FARP1: variants seen among roughly 807,000 people sequenced by gnomAD.
FARP1 encodes FERM, ARHGEF and pleckstrin domain-containing protein 1.
In FARP1, 52 loss-of-function variants were observed where a neutral mutation model predicts 128.8. The observed-to-expected ratio is 0.40, with a 90% CI of 0.32 to 0.51. The LOEUF is 0.51. Among genes scored for constraint, FARP1 ranks in the 20% least tolerant of loss-of-function variants. The pLI is 0.45. For synonymous variants in FARP1, 580 were observed against 551.8 expected (o/e 1.05, Z -0.72); for missense variants, 1,333 against 1,367.9 (o/e 0.97, Z 0.40).
Position 98,440,791 on chromosome 13 carries a change from C to T in FARP1, c.2751C>T (p.His917=). 1.9e-6 allele frequency: 3 copies of T among 1,612,752 alleles called. No individual in the cohort carries two copies. Among genetic ancestry groups the T allele is most frequent in the Non-Finnish European group, 2.5e-6 (3 of 1,179,820 alleles). Residue 917 remains histidine, a synonymous_variant, in exon 24 of 27, where the codon CAC becomes CAT. Transcript: ENST00000319562. ...ACACAATGGTGCACGTGTGCTGGCA[C>T]CGCAACACCAGCGTCTCCATGGTGG... ...RGNTMVHVCW[H]RNTSVSMVDF...
chr13:98,158,083 A>T (rs1192745128), intron 1 of FARP1, among the ~76,000 whole-genome samples: 2 of 152,150 alleles, frequency 1.3e-5, no homozygotes, highest in Non-Finnish European at 2.9e-5. Context: ...TGAGAAAAGG[A>T]TGTTACGGTT....
chr13:98,305,626 G>A (rs901084252), intron 2 of FARP1, among the ~76,000 whole-genome samples: 6 of 152,166 alleles, frequency 3.9e-5, no homozygotes, highest in African/African-American at 1.2e-4. Context: ...GAGCCACCAC[G>A]CGGGCCCTGA....
intron 26 of FARP1, 167 bp downstream of exon 26, chr13:98,446,984 A>C: frequency 1.5e-6 from 1 of 686,212 alleles, no homozygotes; most frequent in Non-Finnish European, 2.4e-6. Flanking sequence ...TTCTGTTCTC[A>C]TGGCAGAAAG....
At position 98,310,713 on chromosome 13, in the gene FARP1, A is replaced by T. The variant is rs2772349; in HGVS notation, c.172-33049A>T. Among the ~76,000 whole-genome samples, 973 of 152,174 alleles carry T rather than the reference A, an allele frequency of 6.4e-3. 10 individuals are homozygous for T. The highest frequency in any genetic ancestry group is 0.022 in the African/African-American group (908 of 41,522). Reference sequence around the variant, plus strand: ...GTGGTGGTGGGTGGTGTGGGCCAGGATGTTGATTTGTTTCAAAGAGTAACT... The same window carrying T: ...GTGGTGGTGGGTGGTGTGGGCCAGGTTGTTGATTTGTTTCAAAGAGTAACT... On this transcript the variant is annotated intron_variant, in intron 2 of 26. Transcript: ENST00000319562.
intron 2 of FARP1, among the ~76,000 whole-genome samples, chr13:98,319,108 G>A (rs1406608191): frequency 6.6e-6 from 1 of 151,656 alleles, no homozygotes; most frequent in African/African-American, 2.4e-5. Flanking sequence ...GACCACAAGT[G>A]TGCACCACCA....
chr13:98,167,918 A>G (rs1489926567), intron 1 of FARP1, among the ~76,000 whole-genome samples: 1 of 150,890 alleles, frequency 6.6e-6, no homozygotes, highest in Non-Finnish European at 1.5e-5. Context: ...CACGCCTGTA[A>G]TCCCAGCACT....
chr13:98,189,835 T>A (rs1879110516), intron 1 of FARP1, among the ~76,000 whole-genome samples: 1 of 152,224 alleles, frequency 6.6e-6, no homozygotes, highest in Non-Finnish European at 1.5e-5. Flanking sequence ...CAGTTGAGAT[T>A]TGTGATTTCT....
chr13:98,334,113 T>G (rs1208619459), intron 2 of FARP1: 1 of 152,148 alleles, frequency 6.6e-6, no homozygotes, highest in Non-Finnish European at 1.5e-5. Flanking sequence ...AAGAGGAAAC[T>G]GAGGCACAAG....
chr13:98,288,711 T>TA (rs1885312424), intron 2 of FARP1, among the ~76,000 whole-genome samples: 1 of 152,202 alleles, frequency 6.6e-6, no homozygotes, highest in African/African-American at 2.4e-5. Flanking sequence ...GGATCATTGT[T>TA]TTGATGGCGG....
At chr13:98,258,212 C>A (rs1219558734) in intron 2 of FARP1, among the ~76,000 whole-genome samples, 1 of 152,146 alleles carries the variant, frequency 6.6e-6, no homozygotes. Context: ...CATGATCCAC[C>A]CGCGTCAGCC....
intron 2 of FARP1, among the ~76,000 whole-genome samples, chr13:98,262,312 T>C (rs2139543947): frequency 6.6e-6 from 1 of 152,096 alleles, no homozygotes; most frequent in Non-Finnish European, 1.5e-5. Flanking sequence ...TGAGCCACTA[T>C]GCCTGGCAAT....
At chr13:98,210,247 C>G (rs1228148101) in intron 1 of FARP1, among the ~76,000 whole-genome samples, 3 of 152,020 alleles carry the variant, frequency 2.0e-5, no homozygotes, top group Non-Finnish European at 4.4e-5. Context: ...AGAAGTGCCC[C>G]CTGGGGGTCT....
chr13:98,378,912 ATATATATAATATATACAATATATAATC>A (rs1889710801), intron 6 of FARP1, among the ~76,000 whole-genome samples: 6 of 120,380 alleles, frequency 5.0e-5, no homozygotes, highest in Admixed American at 4.0e-4. Flanking sequence ...TATATATAAT[ATATATATAATATATACAATATATAATC>A]TATATATAAT....
At chr13:98,301,333 C>T (rs1300638760) in intron 2 of FARP1, among the ~76,000 whole-genome samples, 1 of 151,314 alleles carries the variant, frequency 6.6e-6, no homozygotes, top group African/African-American at 2.5e-5. Flanking sequence ...TCTGAAAGTT[C>T]TGTAGGTGAA....
At chr13:98,186,083 A>G (rs947276873) in intron 1 of FARP1, among the ~76,000 whole-genome samples, 17 of 151,822 alleles carry the variant, frequency 1.1e-4, no homozygotes, top group Non-Finnish European at 1.8e-4. Flanking sequence ...ACCATCATCT[A>G]TCTGCAGAAC....
intron 3 of FARP1, among the ~76,000 whole-genome samples, chr13:98,346,346 C>T (rs140835103): frequency 0.013 from 1,991 of 151,714 alleles, 37 homozygotes; most frequent in African/African-American, 0.043. Context: ...CCCACCATCA[C>T]GCCCGGCTAA....
intron 8 of FARP1, 163 bp downstream of exon 8, chr13:98,385,977 C>T: frequency 1.5e-6 from 1 of 659,640 alleles, no homozygotes; most frequent in Non-Finnish European, 2.5e-6. Flanking sequence ...CCCAGGCCCT[C>T]AGCTCCCAGA....
chr13:98,184,344 G>A (rs1016771987), intron 1 of FARP1, among the ~76,000 whole-genome samples: 7 of 152,048 alleles, frequency 4.6e-5, no homozygotes, highest in African/African-American at 9.7e-5. Flanking sequence ...TTTCGAACTC[G>A]TGACTTCAGG....
At chr13:98,215,077 G>A (rs965835637) in intron 2 of FARP1, among the ~76,000 whole-genome samples, 5 of 152,188 alleles carry the variant, frequency 3.3e-5, no homozygotes, top group Admixed American at 6.5e-5. Context: ...TCCAGGGATC[G>A]TTGGACTGTG....
Sources: allele counts gnomAD v4.1 joint callset (sites outside exome capture counted in the v4.1 genomes callset), GRCh38; gene constraint gnomAD v4.1.1; transcripts MANE v1.5; gene names NCBI Gene and HGNC (gene_info 2026-07-23, HGNC 2026-07-21).